CTNNA3: variants seen among roughly 807,000 people sequenced by gnomAD.
CTNNA3 encodes the protein catenin alpha 3, also known as catenin alpha-3.
In CTNNA3, 76 loss-of-function variants were observed where a neutral mutation model predicts 95.7. That is an observed-to-expected ratio of 0.79 (90% CI 0.66 to 0.96). CTNNA3 has a LOEUF of 0.96. Ranked by LOEUF, CTNNA3 falls within the 40% of genes least tolerant of loss-of-function variation. CTNNA3 has a pLI of 0.00. For missense variants in CTNNA3, 1,191 were observed against 1,089.8 expected (o/e 1.09, Z -1.31); for synonymous variants, 431 against 374.4 (o/e 1.15, Z -1.74).
chr10:66,804,546 A>G lies in CTNNA3; in HGVS notation c.1048-29022T>C, dbSNP rs1209578267. 3.3e-5 allele frequency among the ~76,000 whole-genome samples: 5 copies of G among 152,152 alleles called. No homozygotes were observed. In the South Asian group the frequency reaches 1.0e-3, roughly 32 times the overall value. On this transcript the variant is annotated intron_variant, in intron 7 of 17. Coordinates refer to ENST00000433211, the MANE Select transcript of CTNNA3 (RefSeq NM_013266.4). ...TTATTTTGCCTTTTTTCTTTGAACAATCTCTGAGAAGACTAGTGAAAAGAT... is the reference window on the plus strand; with the variant it reads ...TTATTTTGCCTTTTTTCTTTGAACAGTCTCTGAGAAGACTAGTGAAAAGAT...
At chr10:66,960,228 C>T (rs1483950949) in intron 7 of CTNNA3, among the ~76,000 whole-genome samples, 2 of 152,040 alleles carry the variant, frequency 1.3e-5, no homozygotes, top group Non-Finnish European at 2.9e-5. Flanking sequence ...ATTTAAAATA[C>T]AGAAGTTCAT....
At position 66,248,541 on chromosome 10, in the gene CTNNA3, T is replaced by G. The variant is rs573470472; in HGVS notation, c.1884+31929A>C. Reference sequence around the variant, plus strand: ...GATAAACACAGACAGAAATAAGAAATAAAAAAAGATACTTCATGCCAATGG... The same window carrying G: ...GATAAACACAGACAGAAATAAGAAAGAAAAAAAGATACTTCATGCCAATGG... On this transcript the variant is annotated intron_variant, in intron 13 of 17. Transcript: ENST00000433211. Among the ~76,000 whole-genome samples the G allele has an allele frequency of 4.6e-5, 7 of 150,842 alleles. No individual in the cohort carries two copies. The East Asian group carries it at 1.4e-3, about 30-fold the overall frequency.
intron 7 of CTNNA3, among the ~76,000 whole-genome samples, chr10:67,178,324 C>A (rs1862341472): frequency 6.6e-6 from 1 of 151,752 alleles, no homozygotes; most frequent in Admixed American, 6.6e-5. Flanking sequence ...CATAGTCTCT[C>A]GTGACCTATA....
At chr10:66,106,459 A>T (rs2081917789) in intron 13 of CTNNA3, among the ~76,000 whole-genome samples, 2 of 152,056 alleles carry the variant, frequency 1.3e-5, no homozygotes, top group South Asian at 2.1e-4. Flanking sequence ...AATATTGAGT[A>T]ATGCAGACCT....
intron 13 of CTNNA3, among the ~76,000 whole-genome samples, chr10:66,122,529 A>G (rs1482874025): frequency 6.6e-6 from 1 of 152,246 alleles, no homozygotes; most frequent in Non-Finnish European, 1.5e-5. Context: ...AAGAAAGTAC[A>G]GCCAAGCATA....
intron 13 of CTNNA3, among the ~76,000 whole-genome samples, chr10:66,255,955 C>T (rs1339251480): frequency 6.6e-6 from 1 of 152,108 alleles, no homozygotes; most frequent in African/African-American, 2.4e-5. Context: ...AAAAATCTTG[C>T]CTTTAGTTTG....
chr10:66,473,728 A>G (rs549666772), intron 11 of CTNNA3, among the ~76,000 whole-genome samples: 2 of 152,000 alleles, frequency 1.3e-5, no homozygotes, highest in African/African-American at 4.8e-5. Context: ...AAGTGTTCTC[A>G]TTGTTCAATT....
intron 7 of CTNNA3, among the ~76,000 whole-genome samples, chr10:67,007,373 A>C (rs944361911): frequency 6.6e-5 from 10 of 151,610 alleles, no homozygotes; most frequent in African/African-American, 1.7e-4. Context: ...ATTACCCTTG[A>C]CCAACTTTTT....
chr10:66,633,041 T>A (rs1845200801), intron 9 of CTNNA3, among the ~76,000 whole-genome samples: 1 of 152,170 alleles, frequency 6.6e-6, no homozygotes, highest in Admixed American at 6.5e-5. Context: ...TTTGATATTA[T>A]CCAATACTGC....
rs75032128 is a variant in CTNNA3, at chr10:66,399,265, T to C, written c.1532-19913A>G. ...ATATTTTCTCAATGCTGTGTATCCA[T>C]GGGCTCTGATTTATTTTCCTTTCCT... On this transcript the variant is annotated intron_variant, in intron 11 of 17. Transcript: ENST00000433211. Among the ~76,000 whole-genome samples, 439 of 152,014 alleles carry C rather than the reference T, an allele frequency of 2.9e-3. 8 individuals carry two copies. The East Asian group carries it at 0.035, about 12-fold the overall frequency.
In CTNNA3 at chr10:65,920,304, T is replaced by G; in HGVS notation, c.*26A>C. ...TGTGGTTAGGCAGGATTTTGTCATATAGGCACTATATGTAGAATAGTGGTT... is the reference window on the plus strand; with the variant it reads ...TGTGGTTAGGCAGGATTTTGTCATAGAGGCACTATATGTAGAATAGTGGTT... On this transcript the variant is annotated 3_prime_UTR_variant, in exon 18 of 18. Transcript: ENST00000433211. 1 of 1,584,256 alleles carries G rather than the reference T, an allele frequency of 6.3e-7. No individual in the cohort carries two copies.
chr10:67,454,439 A>G (rs1847097846), intron 5 of CTNNA3, among the ~76,000 whole-genome samples: 1 of 152,208 alleles, frequency 6.6e-6, no homozygotes, highest in Non-Finnish European at 1.5e-5. Flanking sequence ...CAAAGAGAAA[A>G]GAAGAACTAA....
intron 9 of CTNNA3, among the ~76,000 whole-genome samples, chr10:66,728,347 T>C (rs898651759): frequency 6.6e-6 from 1 of 152,196 alleles, no homozygotes; most frequent in Non-Finnish European, 1.5e-5. Flanking sequence ...GTCAGATGGA[T>C]AGATTGTAAA....
chr10:67,029,607 C>T (rs1295305504), intron 7 of CTNNA3, among the ~76,000 whole-genome samples: 5 of 152,134 alleles, frequency 3.3e-5, no homozygotes, highest in Admixed American at 2.0e-4. Context: ...ACGTAGGTTA[C>T]AAAAGAGAGG....
intron 17 of CTNNA3, among the ~76,000 whole-genome samples, chr10:65,937,272 T>C (rs563361366): frequency 6.6e-6 from 1 of 152,290 alleles, no homozygotes; most frequent in South Asian, 2.1e-4. Context: ...GGATTATCTT[T>C]CTAAAATATG....
At chr10:66,884,399 G>C (rs971019930) in intron 7 of CTNNA3, among the ~76,000 whole-genome samples, 7 of 152,128 alleles carry the variant, frequency 4.6e-5, no homozygotes, top group Non-Finnish European at 8.8e-5. Context: ...GGAATTGTAT[G>C]ATTTTCAAGC....
intron 7 of CTNNA3, among the ~76,000 whole-genome samples, chr10:67,135,469 C>T (rs1343960273): frequency 6.6e-6 from 1 of 151,698 alleles, no homozygotes; most frequent in East Asian, 1.9e-4. Context: ...TCAAGGCCAG[C>T]CTGGGCAAAA....
At chr10:67,527,818 A>G (rs912682326) in intron 4 of CTNNA3, among the ~76,000 whole-genome samples, 8 of 152,220 alleles carry the variant, frequency 5.3e-5, no homozygotes, top group Non-Finnish European at 1.0e-4. Flanking sequence ...AAGATGCTCA[A>G]AGAATTTTGC....
intron 10 of CTNNA3, among the ~76,000 whole-genome samples, chr10:66,559,915 T>C (rs1299430878): frequency 1.3e-5 from 2 of 152,130 alleles, no homozygotes; most frequent in African/African-American, 4.8e-5. Flanking sequence ...AGTGTCTGTC[T>C]CCACTTCTAC....
Sources: allele counts gnomAD v4.1 joint callset (sites outside exome capture counted in the v4.1 genomes callset), GRCh38; gene constraint gnomAD v4.1.1; transcripts MANE v1.5; gene names NCBI Gene and HGNC (gene_info 2026-07-23, HGNC 2026-07-21).